The following PPFIA2 variants were observed in gnomAD, a reference collection of about 807,000 sequenced individuals.
The protein encoded by PPFIA2 is PPFI scaffold protein A2.
A neutral mutation model predicts 175.5 loss-of-function variants in PPFIA2; 46 were observed. The ratio of observed to expected loss-of-function variants is 0.26; its 90% CI spans 0.21 to 0.34. The LOEUF is 0.34. Among genes scored for constraint, PPFIA2 ranks in the 10% least tolerant of loss-of-function variants. The probability of loss-of-function intolerance (pLI) is 1.00; values close to 1 mark genes in which losing one functional copy is unlikely to be tolerated. For missense variants in PPFIA2, 1,179 were observed against 1,506.1 expected, an observed-to-expected ratio of 0.78 and a Z score of 3.60; for synonymous variants, 568 against 511.4, an observed-to-expected ratio of 1.11 and a Z score of -1.49.
chr12:81,455,998 G>T (rs2053513674), intron 5 of PPFIA2, among the ~76,000 whole-genome samples: 1 of 152,178 alleles, frequency 6.6e-6, no homozygotes, highest in Non-Finnish European at 1.5e-5. Flanking sequence ...TAATAAAAGA[G>T]TGTCTGGTGC....
rs2057634486 is a variant in PPFIA2 at position 81,339,214 on chromosome 12, A to G, written c.2514T>C (p.Phe838=). ...CAAGTCGAGCTTTTTCTTTTTTACCAAACAAACGTCCTATTGAAGACTTGA... is the reference window on the plus strand; with the variant it reads ...CAAGTCGAGCTTTTTCTTTTTTACCGAACAAACGTCCTATTGAAGACTTGA... ...KGIKSSIGRL[F]GKKEKARLGQ... is the part of the protein sequence containing the mutation. The change falls in exon 21 of 33, where the codon TTT becomes TTC. Residue 838 remains phenylalanine (F), a synonymous_variant. Coordinates refer to ENST00000549396, the MANE Select transcript of PPFIA2 (RefSeq NM_003625.5). 6.2e-7 allele frequency: 1 copy of G among 1,605,186 alleles called. No individual in the cohort carries two copies. Among genetic ancestry groups the G allele is most frequent in the African/African-American group, 1.3e-5 (1 of 74,350 alleles).
intron 4 of PPFIA2, among the ~76,000 whole-genome samples, chr12:81,676,303 C>A (rs2072494812): frequency 6.6e-6 from 1 of 151,950 alleles, no homozygotes; most frequent in South Asian, 2.1e-4. Context: ...GAACATCAAG[C>A]TTTTGTTGCT....
chr12:81,267,210 T>C, intron 29 of PPFIA2, 190 bp from the exon 30 acceptor site: 1 of 581,264 alleles, frequency 1.7e-6, no homozygotes, highest in Non-Finnish European at 3.1e-6. Context: ...TTTTTTTTTT[T>C]TTCTGTGAAC....
At chr12:81,541,275 G>A (rs1208665847) in intron 4 of PPFIA2, among the ~76,000 whole-genome samples, 2 of 151,642 alleles carry the variant, frequency 1.3e-5, no homozygotes, top group Admixed American at 6.6e-5. Flanking sequence ...TTTTTAATGA[G>A]TGCTATTCAA....
chr12:81,497,378 T>C (rs2060128463), intron 4 of PPFIA2, among the ~76,000 whole-genome samples: 1 of 152,136 alleles, frequency 6.6e-6, no homozygotes, highest in Admixed American at 6.6e-5. Flanking sequence ...ATTACTCCTT[T>C]CTATTAATTG....
At chr12:81,451,719 A>AT (rs1193155169) in intron 5 of PPFIA2, among the ~76,000 whole-genome samples, 1 of 152,228 alleles carries the variant, frequency 6.6e-6, no homozygotes, top group Non-Finnish European at 1.5e-5. Context: ...AATATTCTAC[A>AT]TAATAAGTAC....
intron 4 of PPFIA2, among the ~76,000 whole-genome samples, chr12:81,600,857 A>G (rs924379376): frequency 1.3e-5 from 2 of 152,014 alleles, no homozygotes; most frequent in Non-Finnish European, 2.9e-5. Context: ...GATTTTTACC[A>G]TGCAAATATA....
chr12:81,401,817 T>C (rs901163156), intron 8 of PPFIA2, among the ~76,000 whole-genome samples: 2 of 152,222 alleles, frequency 1.3e-5, no homozygotes, highest in Non-Finnish European at 2.9e-5. Context: ...TATTAGAGCC[T>C]GGTTCTGAAA....
intron 4 of PPFIA2, among the ~76,000 whole-genome samples, chr12:81,482,512 A>G (rs1023283451): frequency 2.6e-5 from 4 of 152,230 alleles, no homozygotes; most frequent in African/African-American, 9.6e-5. Context: ...TGATAGACGG[A>G]TAAAGAAAAT....
At chr12:81,564,403 T>C (rs74106646) in intron 4 of PPFIA2, among the ~76,000 whole-genome samples, 3,477 of 152,252 alleles carry the variant, frequency 0.023, 129 homozygotes, top group African/African-American at 0.08. Context: ...GAAGCGAGCC[T>C]GCTCTACTGC....
chr12:81,582,156 T>C (rs2074514768), intron 4 of PPFIA2, among the ~76,000 whole-genome samples: 1 of 151,848 alleles, frequency 6.6e-6, no homozygotes, highest in Admixed American at 6.6e-5. Flanking sequence ...TATATCCAAT[T>C]GAAACATCTT....
chr12:81,372,361 G>A (rs901713995), intron 11 of PPFIA2, among the ~76,000 whole-genome samples: 1 of 151,202 alleles, frequency 6.6e-6, no homozygotes, highest in Non-Finnish European at 1.5e-5. Context: ...TGTCTGAGGG[G>A]TTATTAAGAA....
chr12:81,383,149 T>C (rs552682298), intron 9 of PPFIA2, among the ~76,000 whole-genome samples: 1 of 151,960 alleles, frequency 6.6e-6, no homozygotes, highest in Non-Finnish European at 1.5e-5. Context: ...AAAAGTAAGA[T>C]ACAATTGGCT....
At chr12:81,288,545 T>C (rs935610045) in intron 24 of PPFIA2, among the ~76,000 whole-genome samples, 1 of 151,780 alleles carries the variant, frequency 6.6e-6, no homozygotes, top group Non-Finnish European at 1.5e-5. Context: ...AAATAACTTG[T>C]GAAAATTAAT....
At chr12:81,347,423 A>C in intron 18 of PPFIA2, 110 bp downstream of exon 18, 1 of 948,046 alleles carries the variant, frequency 1.1e-6, no homozygotes, top group Non-Finnish European at 1.7e-6. Flanking sequence ...ATAAATAAAC[A>C]ATAAAATACA....
At chr12:81,558,554 G>A (rs889136918) in intron 4 of PPFIA2, among the ~76,000 whole-genome samples, 9 of 152,176 alleles carry the variant, frequency 5.9e-5, no homozygotes, top group Non-Finnish European at 1.3e-4. Context: ...ATTGGTGGTA[G>A]TGGAGACAGC....
At chr12:81,663,363 G>A (rs562092831) in intron 4 of PPFIA2, among the ~76,000 whole-genome samples, 57 of 152,190 alleles carry the variant, frequency 3.7e-4, no homozygotes, top group African/African-American at 1.3e-3. Flanking sequence ...AAATCAATCT[G>A]CAAAAATCAC....
intron 4 of PPFIA2, among the ~76,000 whole-genome samples, chr12:81,582,384 T>C (rs2074548395): frequency 6.6e-6 from 1 of 151,994 alleles, no homozygotes; most frequent in South Asian, 2.1e-4. Flanking sequence ...CATTTCATAT[T>C]AAATATTTCT....
chr12:81,554,623 T>C (rs1347100751), intron 4 of PPFIA2, among the ~76,000 whole-genome samples: 1 of 152,050 alleles, frequency 6.6e-6, no homozygotes, highest in Admixed American at 6.6e-5. Flanking sequence ...ATCAGATATT[T>C]GAAAAGAATT....
Sources: allele counts gnomAD v4.1 joint callset (sites outside exome capture counted in the v4.1 genomes callset), GRCh38; gene constraint gnomAD v4.1.1; transcripts MANE v1.5; gene names NCBI Gene and HGNC (gene_info 2026-07-23, HGNC 2026-07-21).